The following GALNTL6 variants were observed in gnomAD, a reference collection of about 807,000 sequenced individuals.
The protein encoded by GALNTL6 is polypeptide N-acetylgalactosaminyltransferase-like 6.
In GALNTL6, 46 loss-of-function variants were observed where a neutral mutation model predicts 73.7. That is an observed-to-expected ratio of 0.62 (90% CI 0.49 to 0.80). GALNTL6 has a LOEUF of 0.80. GALNTL6 is among the 30% of genes least tolerant of loss of function. The pLI, the probability that GALNTL6 is intolerant of heterozygous loss-of-function variation, is 0.00. For synonymous variants in GALNTL6, 259 were observed against 263.7 expected (o/e 0.98, Z 0.17); for missense variants, 604 against 755.0 (o/e 0.80, Z 2.34).
At chr4:172,173,099 G>T (rs1734884855) in intron 2 of GALNTL6, among the ~76,000 whole-genome samples, 1 of 152,154 alleles carries the variant, frequency 6.6e-6, no homozygotes, top group Non-Finnish European at 1.5e-5. Flanking sequence ...TTTGTTCTCT[G>T]TAAGACACTA....
intron 4 of GALNTL6, among the ~76,000 whole-genome samples, chr4:172,329,371 C>T (rs1464682168): frequency 6.6e-6 from 1 of 152,150 alleles, no homozygotes; most frequent in Admixed American, 6.5e-5. Context: ...ATGTTACAAA[C>T]TGTCTGGACA....
intron 5 of GALNTL6, among the ~76,000 whole-genome samples, chr4:172,543,953 T>C (rs576769104): frequency 1.1e-4 from 17 of 152,298 alleles, no homozygotes; most frequent in Admixed American, 3.3e-4. Flanking sequence ...CCCTATGAAA[T>C]AGATACAACT....
intron 5 of GALNTL6, among the ~76,000 whole-genome samples, chr4:172,802,150 T>C (rs1283227045): frequency 6.6e-6 from 1 of 152,184 alleles, no homozygotes; most frequent in Non-Finnish European, 1.5e-5. Flanking sequence ...CCAATCCCTT[T>C]ATATCCCATA....
At chr4:172,637,966 A>T (rs780916626) in intron 5 of GALNTL6, among the ~76,000 whole-genome samples, 2 of 152,118 alleles carry the variant, frequency 1.3e-5, no homozygotes, top group African/African-American at 4.8e-5. Flanking sequence ...TGTGTCCTTC[A>T]GGAACCATCA....
chr4:172,043,358 G>C (rs1742139021), intron 2 of GALNTL6, among the ~76,000 whole-genome samples: 2 of 151,972 alleles, frequency 1.3e-5, no homozygotes, highest in Non-Finnish European at 2.9e-5. Context: ...AGGGTTAAAA[G>C]TGGAAACCAG....
chr4:171,889,028 TAAAG>T (rs1478221794), intron 2 of GALNTL6, among the ~76,000 whole-genome samples: 1 of 151,942 alleles, frequency 6.6e-6, no homozygotes, highest in East Asian at 1.9e-4. Flanking sequence ...ATATGATCCT[TAAAG>T]AAAAAAGAAA....
At chr4:171,833,014 T>C (rs965405572) in intron 2 of GALNTL6, among the ~76,000 whole-genome samples, 1 of 151,796 alleles carries the variant, frequency 6.6e-6, no homozygotes, top group Non-Finnish European at 1.5e-5. Flanking sequence ...TTAATCAATA[T>C]AAAATATCAT....
chr4:171,966,031 G>A (rs1182072642), intron 2 of GALNTL6, among the ~76,000 whole-genome samples: 2 of 152,300 alleles, frequency 1.3e-5, no homozygotes, highest in African/African-American at 4.8e-5. Context: ...TGATCAGGGA[G>A]AAGGGTGTCA....
At chr4:171,937,271 C>T (rs910739713) in intron 2 of GALNTL6, among the ~76,000 whole-genome samples, 1 of 152,052 alleles carries the variant, frequency 6.6e-6, no homozygotes, top group Non-Finnish European at 1.5e-5. Flanking sequence ...ATTACTATTG[C>T]TATTTTATTA....
intron 2 of GALNTL6, among the ~76,000 whole-genome samples, chr4:171,835,250 A>G (rs1381267278): frequency 1.3e-5 from 2 of 151,990 alleles, no homozygotes. Flanking sequence ...CTACAGAAAA[A>G]TGGAAAATTT....
At chr4:172,967,669 A>C (rs1023565617) in intron 10 of GALNTL6, among the ~76,000 whole-genome samples, 6 of 152,212 alleles carry the variant, frequency 3.9e-5, no homozygotes, top group African/African-American at 1.2e-4. Context: ...CCACATTGAC[A>C]TAACTTCATT....
At chr4:172,318,912 A>G (rs1406409543) in intron 4 of GALNTL6, among the ~76,000 whole-genome samples, 1 of 152,180 alleles carries the variant, frequency 6.6e-6, no homozygotes, top group Non-Finnish European at 1.5e-5. Context: ...ATAAGGATCA[A>G]ATAAATAAAA....
At chr4:172,956,214 A>C (rs1749745982) in intron 10 of GALNTL6, among the ~76,000 whole-genome samples, 1 of 152,256 alleles carries the variant, frequency 6.6e-6, no homozygotes, top group African/African-American at 2.4e-5. Context: ...GGGAACCTAG[A>C]GGGTGAGAGA....
intron 8 of GALNTL6, among the ~76,000 whole-genome samples, chr4:172,907,054 T>C (rs1561026269): frequency 6.6e-6 from 1 of 152,162 alleles, no homozygotes; most frequent in Non-Finnish European, 1.5e-5. Flanking sequence ...AGCGGGAATT[T>C]TGGGAACCAT....
At chr4:172,278,219 T>G (rs547337488) in intron 3 of GALNTL6, among the ~76,000 whole-genome samples, 2 of 152,338 alleles carry the variant, frequency 1.3e-5, no homozygotes, top group South Asian at 4.1e-4. Context: ...TTTAAGTTTT[T>G]TAAGTTGAGC....
intron 8 of GALNTL6, among the ~76,000 whole-genome samples, chr4:172,896,584 A>G (rs1347676477): frequency 6.6e-6 from 1 of 152,186 alleles, no homozygotes; most frequent in African/African-American, 2.4e-5. Flanking sequence ...CCTCAATTGC[A>G]ACAAGGAGAA....
intron 3 of GALNTL6, among the ~76,000 whole-genome samples, chr4:172,254,163 T>C (rs1737990769): frequency 2.0e-5 from 3 of 151,800 alleles, no homozygotes; most frequent in African/African-American, 7.2e-5. Flanking sequence ...CATAGGATCA[T>C]AGCTGCATTC....
chr4:171,958,008 A>G (rs1285059692), intron 2 of GALNTL6, among the ~76,000 whole-genome samples: 1 of 152,210 alleles, frequency 6.6e-6, no homozygotes, highest in Non-Finnish European at 1.5e-5. Flanking sequence ...ATGTTTTATG[A>G]TCAGAAAAGC....
chr4:172,462,599 T>A (rs1166572049), intron 5 of GALNTL6, among the ~76,000 whole-genome samples: 2 of 152,208 alleles, frequency 1.3e-5, no homozygotes, highest in African/African-American at 4.8e-5. Flanking sequence ...GCTCCATCAG[T>A]ATAACTGCTT....
Sources: allele counts gnomAD v4.1 joint callset (sites outside exome capture counted in the v4.1 genomes callset), GRCh38; gene constraint gnomAD v4.1.1; transcripts MANE v1.5; gene names NCBI Gene and HGNC (gene_info 2026-07-23, HGNC 2026-07-21).